The following ADGRB3 variants were observed in gnomAD, a reference collection of about 807,000 sequenced individuals.
The protein encoded by ADGRB3 is brain-specific angiogenesis inhibitor 3.
Under a neutral mutation model 193.4 loss-of-function variants are expected in ADGRB3, and 37 were observed. That is an observed-to-expected ratio of 0.19 (90% CI 0.15 to 0.25). The LOEUF is 0.25. Ranked by LOEUF, ADGRB3 falls within the 10% of genes least tolerant of loss-of-function variation. The pLI, the probability that ADGRB3 is intolerant of heterozygous loss-of-function variation, is 1.00. For missense variants in ADGRB3, 1,637 were observed against 1,852.9 expected (o/e 0.88, Z 2.14); for synonymous variants, 690 against 644.2 (o/e 1.07, Z -1.08).
intron 3 of ADGRB3, among the ~76,000 whole-genome samples, chr6:68,787,846 T>G (rs1484315690): frequency 1.3e-5 from 2 of 152,214 alleles, no homozygotes; most frequent in Non-Finnish European, 1.5e-5. Context: ...GTTATTGGTC[T>G]ATTCAGAGAT....
chr6:69,325,107 A>AAAGTAGCCTGT, intron 21 of ADGRB3, 85 bp downstream of exon 21: 1 of 1,458,868 alleles, frequency 6.9e-7, no homozygotes, highest in Non-Finnish European at 9.2e-7. Flanking sequence ...GATTAGACAC[A>AAAGTAGCCTGT]GGCTACTTTG....
At chr6:69,226,471 A>G (rs1429698886) in intron 17 of ADGRB3, among the ~76,000 whole-genome samples, 1 of 152,204 alleles carries the variant, frequency 6.6e-6, no homozygotes, top group Non-Finnish European at 1.5e-5. Context: ...TGTCCTCATG[A>G]TATGTACATT....
At chr6:69,087,601 A>G (rs913813063) in intron 17 of ADGRB3, among the ~76,000 whole-genome samples, 5 of 152,182 alleles carry the variant, frequency 3.3e-5, no homozygotes, top group Non-Finnish European at 7.4e-5. Flanking sequence ...TTGATCTTGG[A>G]CTTCCCACCA....
chr6:68,820,443 G>A (rs1767728415), intron 3 of ADGRB3, among the ~76,000 whole-genome samples: 1 of 151,918 alleles, frequency 6.6e-6, no homozygotes, highest in Admixed American at 6.6e-5. Flanking sequence ...GGTCACACCA[G>A]GGTAAGTGAG....
chr6:69,352,814 A>C (rs554572538), intron 26 of ADGRB3, among the ~76,000 whole-genome samples: 26 of 152,348 alleles, frequency 1.7e-4, no homozygotes, highest in African/African-American at 5.8e-4. Flanking sequence ...GTATATTATG[A>C]ATATCTCACA....
chr6:69,239,834 T>C (rs1282048656), intron 20 of ADGRB3, among the ~76,000 whole-genome samples: 3 of 152,046 alleles, frequency 2.0e-5, no homozygotes, highest in Non-Finnish European at 4.4e-5. Flanking sequence ...TGAATGACCA[T>C]GTTTTTTCCC....
intron 10 of ADGRB3, among the ~76,000 whole-genome samples, chr6:68,980,892 A>G (rs992784731): frequency 1.3e-5 from 2 of 151,528 alleles, no homozygotes; most frequent in African/African-American, 4.8e-5. Context: ...TTATTATCAC[A>G]TGGAAGTTCT....
intron 3 of ADGRB3, among the ~76,000 whole-genome samples, chr6:68,891,035 T>A (rs1340909751): frequency 1.3e-5 from 2 of 152,196 alleles, no homozygotes; most frequent in African/African-American, 2.4e-5. Context: ...TTTAGTGGAC[T>A]TACAGTTCCA....
rs538884124 is a variant in ADGRB3, at chr6:68,849,081, G to C, written c.758-81478G>C. ...GACTTGGATGATGGCTGAAATGTTT[G>C]AGTTGTTTATTCGGAAGGTTTTGAA... On this transcript the variant is annotated intron_variant, in intron 3 of 31. Coordinates refer to ENST00000370598, the MANE Select transcript of ADGRB3 (RefSeq NM_001704.3). 7.9e-5 allele frequency among the ~76,000 whole-genome samples: 12 copies of C among 152,052 alleles called. No homozygotes were observed. The East Asian group carries it at 2.3e-3, about 29-fold the overall frequency.
At chr6:68,818,969 A>G (rs149958439) in intron 3 of ADGRB3, among the ~76,000 whole-genome samples, 272 of 152,210 alleles carry the variant, frequency 1.8e-3, no homozygotes, top group African/African-American at 6.2e-3. Context: ...GAAAGGAACA[A>G]TGCACATGGC....
intron 3 of ADGRB3, among the ~76,000 whole-genome samples, chr6:68,726,237 A>C (rs912556956): frequency 1.3e-5 from 2 of 151,638 alleles, no homozygotes; most frequent in Non-Finnish European, 3.0e-5. Flanking sequence ...ACCTGTGTAA[A>C]AACTCACTTA....
At chr6:68,681,439 C>T (rs1341754048) in intron 3 of ADGRB3, among the ~76,000 whole-genome samples, 1 of 152,094 alleles carries the variant, frequency 6.6e-6, no homozygotes, top group Non-Finnish European at 1.5e-5. Context: ...GCCACCACAT[C>T]TGGCCAATCT....
At chr6:68,936,873 G>A (rs988151806) in intron 5 of ADGRB3, among the ~76,000 whole-genome samples, 193 bp downstream of exon 5, 1 of 152,180 alleles carries the variant, frequency 6.6e-6, no homozygotes, top group African/African-American at 2.4e-5. Flanking sequence ...AGCAAATTAG[G>A]TAAATGGCTC....
intron 6 of ADGRB3, among the ~76,000 whole-genome samples, chr6:68,944,300 TAA>T (rs1415484568): frequency 6.6e-6 from 1 of 152,176 alleles, no homozygotes; most frequent in Non-Finnish European, 1.5e-5. Flanking sequence ...CAAGGAATCC[TAA>T]AGACTTGAGA....
At chr6:68,979,452 G>A (rs914961730) in intron 10 of ADGRB3, among the ~76,000 whole-genome samples, 5 of 151,380 alleles carry the variant, frequency 3.3e-5, no homozygotes, top group African/African-American at 1.2e-4. Context: ...TTATTTGGAA[G>A]CCTTATAAGA....
intron 3 of ADGRB3, among the ~76,000 whole-genome samples, chr6:68,923,421 T>C (rs1039446824): frequency 6.6e-6 from 1 of 152,018 alleles, no homozygotes; most frequent in African/African-American, 2.4e-5. Flanking sequence ...CAGTGTTTTA[T>C]GAAAAAAGAA....
chr6:68,805,523 G>T (rs1054932004), intron 3 of ADGRB3, among the ~76,000 whole-genome samples: 2 of 152,110 alleles, frequency 1.3e-5, no homozygotes, highest in Middle Eastern at 3.2e-3. Context: ...ATCCATAAAA[G>T]AATCTCCTAT....
chr6:69,054,310 G>T (rs759969582), intron 15 of ADGRB3, among the ~76,000 whole-genome samples: 1 of 151,952 alleles, frequency 6.6e-6, no homozygotes, highest in Non-Finnish European at 1.5e-5. Flanking sequence ...TCAGGAAATT[G>T]AACTCATTTG....
At chr6:68,952,612 A>G (rs939711840) in intron 6 of ADGRB3, among the ~76,000 whole-genome samples, 2 of 152,154 alleles carry the variant, frequency 1.3e-5, no homozygotes, top group Admixed American at 1.3e-4. Flanking sequence ...ACAAACCTGC[A>G]CGTTGTGCAC....
Sources: allele counts gnomAD v4.1 joint callset (sites outside exome capture counted in the v4.1 genomes callset), GRCh38; gene constraint gnomAD v4.1.1; transcripts MANE v1.5; gene names NCBI Gene and HGNC (gene_info 2026-07-23, HGNC 2026-07-21).